Variants in ADAMTS6 observed in about 807,000 individuals in gnomAD.
ADAMTS6 encodes the protein A disintegrin and metalloproteinase with thrombospondin motifs 6.
A neutral mutation model predicts 144.3 loss-of-function variants in ADAMTS6; 23 were observed. The observed-to-expected ratio is 0.16, with a 90% CI of 0.11 to 0.23. The LOEUF (loss-of-function observed/expected upper bound fraction) is 0.23. Among genes scored for constraint, ADAMTS6 ranks in the 10% least tolerant of loss-of-function variants. The pLI, the probability that ADAMTS6 is intolerant of heterozygous loss-of-function variation, is 1.00. For synonymous variants in ADAMTS6, 444 were observed against 457.5 expected (o/e 0.97, Z 0.38); for missense variants, 999 against 1,379.6 (o/e 0.72, Z 4.37).
At chr5:65,452,948 T>G in intron 4 of ADAMTS6, 30 bp from the exon 5 acceptor site, 1 of 1,533,812 alleles carries the variant, frequency 6.5e-7, no homozygotes, top group Non-Finnish European at 9.0e-7. Flanking sequence ...TTCAGATAGG[T>G]TCACTAATTA....
rs551110590 is a variant in ADAMTS6 at position 65,398,929 on chromosome 5, A to G, written c.1073+52546T>C. 4.3e-4 allele frequency among the ~76,000 whole-genome samples: 65 copies of G among 152,138 alleles called. 1 individual carries two copies. Among genetic ancestry groups the G allele is most frequent in the Non-Finnish European group, 1.3e-4 (9 of 68,010 alleles). ...TTTTGCTTAGGACTGGCATCCATCC[A>G]ATTACTTTTAATCTATATGTGTCTT... On this transcript the variant is annotated intron_variant, in intron 7 of 24. Coordinates refer to ENST00000381055, the MANE Select transcript of ADAMTS6 (RefSeq NM_197941.4).
At chr5:65,355,278 C>T (rs541159551) in intron 7 of ADAMTS6, among the ~76,000 whole-genome samples, 2 of 151,826 alleles carry the variant, frequency 1.3e-5, no homozygotes, top group African/African-American at 4.8e-5. Context: ...AAGGTGGTGA[C>T]TTTTTTAGAC....
intron 7 of ADAMTS6, among the ~76,000 whole-genome samples, chr5:65,396,473 G>A (rs1753348553): frequency 6.6e-6 from 1 of 152,142 alleles, no homozygotes; most frequent in South Asian, 2.1e-4. Context: ...TTTCTCTCCT[G>A]GTTACTCTTA....
At chr5:65,196,522 C>CAAAAAAAAAAAAAAAAAAAAAAAAA (rs533444182) in intron 21 of ADAMTS6, among the ~76,000 whole-genome samples, 1 of 38,036 alleles carries the variant, frequency 2.6e-5, no homozygotes, top group African/African-American at 7.8e-5. Context: ...GACTCCGTCT[C>CAAAAAAAAAAAAAAAAAAAAAAAAA]AAAAAAAAAA....
intron 23 of ADAMTS6, 142 bp downstream of exon 23, chr5:65,172,690 T>C (rs2112084548): frequency 3.0e-6 from 3 of 994,224 alleles, no homozygotes; most frequent in South Asian, 1.7e-5. Flanking sequence ...TTGTGCACTG[T>C]TTCACACTCA....
chr5:65,153,435 A>G (rs758890412), intron 24 of ADAMTS6, among the ~76,000 whole-genome samples: 2 of 152,264 alleles, frequency 1.3e-5, no homozygotes, highest in Non-Finnish European at 2.9e-5. Context: ...TCTGTAAAAC[A>G]GAAATGATTA....
At chr5:65,230,753 AAT>A (rs1375951860) in intron 15 of ADAMTS6, among the ~76,000 whole-genome samples, 3 of 101,234 alleles carry the variant, frequency 3.0e-5, no homozygotes, top group African/African-American at 4.2e-5. Context: ...ATATGTATGA[AAT>A]ATATATATAA....
chr5:65,444,741 C>G (rs1469184735), intron 7 of ADAMTS6, among the ~76,000 whole-genome samples: 2 of 152,132 alleles, frequency 1.3e-5, no homozygotes, highest in East Asian at 3.9e-4. Flanking sequence ...AGAAGTCTGC[C>G]TACCACAGGT....
At position 65,473,798 on chromosome 5, in the gene ADAMTS6, C is replaced by G; in HGVS notation, c.-125G>C. The stretch of plus-strand genomic sequence containing the variant: ...TCTTGCAAATTAGTTATTGGATGTT[C>G]CACTGTTTAAGAGCCACTTTTATCC... On this transcript the variant is annotated 5_prime_UTR_variant, in exon 2 of 25. Coordinates refer to ENST00000381055, the MANE Select transcript of ADAMTS6 (RefSeq NM_197941.4). The G allele has an allele frequency of 1.4e-6, 1 of 714,762 alleles. No homozygotes were observed. The highest frequency in any genetic ancestry group is 1.8e-5 in the South Asian group (1 of 54,512). 44.3% of individuals were successfully genotyped at this position (714,762 alleles called of 1,614,324 possible).
At chr5:65,155,018 G>C (rs1752332017) in intron 24 of ADAMTS6, among the ~76,000 whole-genome samples, 1 of 152,146 alleles carries the variant, frequency 6.6e-6, no homozygotes, top group East Asian at 1.9e-4. Context: ...CTGTATGGAA[G>C]ATCCGGTTCC....
chr5:65,206,836 TCTCA>T lies in ADAMTS6; in HGVS notation c.2575+7954_2575+7957del, dbSNP rs1162284463. On this transcript the variant is annotated intron_variant, in intron 20 of 24. Transcript: ENST00000381055. ...TGTTTTTTTTCTCTCTCTCTCTCTC[TCTCA>T]CACACACACACACACACACACACAC... Among the ~76,000 whole-genome samples, 618 of 105,596 alleles carry T rather than the reference TCTCA, an allele frequency of 5.9e-3. 3 individuals are homozygous for T. Among genetic ancestry groups the T allele is most frequent in the African/African-American group, 0.018 (422 of 22,882 alleles). 69.3% of individuals were successfully genotyped at this position (105,596 alleles called of 152,430 possible). A position where few individuals can be genotyped will look rare whatever the true frequency, so the allele number is the denominator to read the frequency against.
Position 65,398,713 on chromosome 5 carries a change from AAGAGAGAAAGAGAGAG to A in ADAMTS6, c.1073+52746_1073+52761del, listed in dbSNP as rs1363231841. Among the ~76,000 whole-genome samples the A allele has an allele frequency of 2.8e-3, 427 of 150,810 alleles. 2 individuals carry two copies. The highest frequency in any genetic ancestry group is 0.01 in the African/African-American group (416 of 40,546). On this transcript the variant is annotated intron_variant, in intron 7 of 24. Transcript: ENST00000381055. ...GATGACAGAGCGAGACTCTGTCAGA[AAGAGAGAAAGAGAGAG>A]AGAGAGAAAGAGAGATAAAGAGAGA... is the stretch of plus-strand genomic sequence containing the variant.
intron 7 of ADAMTS6, among the ~76,000 whole-genome samples, chr5:65,400,681 AT>A (rs1229677123): frequency 6.6e-6 from 1 of 152,090 alleles, no homozygotes; most frequent in African/African-American, 2.4e-5. Context: ...CTCATTGCAC[AT>A]GTATTACATC....
intron 7 of ADAMTS6, among the ~76,000 whole-genome samples, chr5:65,419,251 A>T (rs1038162529): frequency 1.3e-5 from 2 of 152,220 alleles, no homozygotes; most frequent in African/African-American, 2.4e-5. Context: ...TTGCAGCAAC[A>T]TGAATGCAAC....
intron 20 of ADAMTS6, among the ~76,000 whole-genome samples, chr5:65,206,759 T>A (rs1274763292): frequency 6.7e-6 from 1 of 150,276 alleles, no homozygotes; most frequent in Non-Finnish European, 1.5e-5. Flanking sequence ...TAAAAAGAAT[T>A]TGTCCTAGCT....
intron 24 of ADAMTS6, 72 bp from the exon 25 acceptor site, chr5:65,152,017 C>T: frequency 7.5e-7 from 1 of 1,339,408 alleles, no homozygotes; most frequent in East Asian, 2.3e-5. Flanking sequence ...GCCGATGGGC[C>T]TGCATGTTCA....
At chr5:65,157,350 A>G (rs1339081595) in intron 24 of ADAMTS6, among the ~76,000 whole-genome samples, 1 of 152,228 alleles carries the variant, frequency 6.6e-6, no homozygotes, top group African/African-American at 2.4e-5. Context: ...TGAATTTAGA[A>G]TGCAATTAGA....
chr5:65,341,476 G>A (rs1419412357), intron 7 of ADAMTS6, among the ~76,000 whole-genome samples: 3 of 151,580 alleles, frequency 2.0e-5, no homozygotes, highest in Non-Finnish European at 4.4e-5. Context: ...AAAGAGAGAC[G>A]ACTCAAATGA....
At chr5:65,345,421 C>A (rs888790589) in intron 7 of ADAMTS6, among the ~76,000 whole-genome samples, 2 of 151,430 alleles carry the variant, frequency 1.3e-5, no homozygotes, top group Non-Finnish European at 3.0e-5. Flanking sequence ...TATAGTATTG[C>A]CTTGGTAAAT....
Sources: allele counts gnomAD v4.1 joint callset (sites outside exome capture counted in the v4.1 genomes callset), GRCh38; gene constraint gnomAD v4.1.1; transcripts MANE v1.5; gene names NCBI Gene and HGNC (gene_info 2026-07-23, HGNC 2026-07-21).